Variants in GCFC2 observed in about 807,000 individuals in gnomAD.
GCFC2 encodes the protein GC-rich sequence DNA-binding factor 2, also known as intron Large complex component GCFC2.
Under a neutral mutation model 99.4 loss-of-function variants are expected in GCFC2, and 102 were observed. That is an observed-to-expected ratio of 1.03 (90% CI 0.87 to 1.21). GCFC2 has a LOEUF of 1.21. Among genes scored for constraint, GCFC2 ranks in the 50% most tolerant of loss-of-function variants. The pLI, the probability that GCFC2 is intolerant of heterozygous loss-of-function variation, is 0.00. For synonymous variants in GCFC2, 338 were observed against 316.8 expected (o/e 1.07, Z -0.71); for missense variants, 973 against 920.9 (o/e 1.06, Z -0.73).
At chr2:75,701,918 A>G (rs1680609092) in intron 3 of GCFC2, 1 of 1,164,664 alleles carries the variant, frequency 8.6e-7, no homozygotes. Context: ...ATCGTTTTCA[A>G]TGCTTTGAAA....
At chr2:75,709,417 C>T (rs1681018311) in intron 1 of GCFC2, among the ~76,000 whole-genome samples, 1 of 152,108 alleles carries the variant, frequency 6.6e-6, no homozygotes, top group African/African-American at 2.4e-5. Context: ...AGATCATAAA[C>T]CTGGAGGACA....
In GCFC2 at chr2:75,702,316, A is replaced by G; in HGVS notation, c.502T>C (p.Ser168Pro). Residue 168 changes from serine (S) to proline (P), a missense_variant, in exon 3 of 17, where the codon TCT becomes CCT. Coordinates refer to ENST00000321027, the MANE Select transcript of GCFC2 (RefSeq NM_003203.5). ...TCTTCGCTCTCTCTCTTCATACCAG[A>G]GATGGAGGAGGTATGTTGTACATCC... is the stretch of plus-strand genomic sequence containing the variant. ...SLDVQHTSSISGMKRESEDDP... is the reference protein window; with the variant it reads ...SLDVQHTSSIPGMKRESEDDP... 1 of 1,613,334 alleles carries G rather than the reference A, an allele frequency of 6.2e-7. No individual in the cohort carries two copies. The highest frequency in any genetic ancestry group is 1.3e-5 in the African/African-American group (1 of 75,018).
At chr2:75,704,731 C>A (rs1390911180) in intron 2 of GCFC2, among the ~76,000 whole-genome samples, 1 of 152,220 alleles carries the variant, frequency 6.6e-6, no homozygotes, top group East Asian at 1.9e-4. Flanking sequence ...GTTGCCCAGG[C>A]TGGAGTGCAC....
chr2:75,704,928 G>A (rs898249392), intron 2 of GCFC2, among the ~76,000 whole-genome samples: 3 of 152,130 alleles, frequency 2.0e-5, no homozygotes. Context: ...CATCCACCTC[G>A]GCCTCCCAAA....
intron 12 of GCFC2, among the ~76,000 whole-genome samples, chr2:75,676,163 G>GA (rs982692152): frequency 1.3e-5 from 2 of 152,082 alleles, no homozygotes; most frequent in Middle Eastern, 6.8e-3. Context: ...TGATAAAAAA[G>GA]AAAAAACAAA....
At chr2:75,666,235 T>G (rs977825170) in intron 15 of GCFC2, among the ~76,000 whole-genome samples, 182 bp from the exon 16 acceptor site, 2 of 152,232 alleles carry the variant, frequency 1.3e-5, no homozygotes, top group Non-Finnish European at 2.9e-5. Flanking sequence ...GAATTCATTC[T>G]TTAATGCTAA....
At position 75,710,760 on chromosome 2, in the gene GCFC2, C is replaced by A. The variant is rs1250591512; in HGVS notation, c.96G>T (p.Pro32=). The A allele has an allele frequency of 4.5e-6, 7 of 1,568,076 alleles. No individual in the cohort carries two copies. The Admixed American group carries it at 5.3e-5, about 12-fold the overall frequency. ...AEESPAEPGA[P]RELPVPGSAE... is the part of the protein sequence containing the mutation. ...CAGAACCCGGGACCGGAAGTTCCCTCGGCGCCCCAGGCTCAGCAGGCGACT... is the reference window on the plus strand; with the variant it reads ...CAGAACCCGGGACCGGAAGTTCCCTAGGCGCCCCAGGCTCAGCAGGCGACT... Residue 32 remains proline, a synonymous_variant, in exon 1 of 17, where the codon CCG becomes CCT. Coordinates refer to ENST00000321027, the MANE Select transcript of GCFC2 (RefSeq NM_003203.5).
intron 11 of GCFC2, among the ~76,000 whole-genome samples, chr2:75,685,153 C>T (rs1178179365): frequency 6.6e-6 from 1 of 152,102 alleles, no homozygotes; most frequent in Non-Finnish European, 1.5e-5. Context: ...CACGTGTACA[C>T]CTATGTAACA....
intron 10 of GCFC2, 39 bp downstream of exon 10, chr2:75,688,987 T>C: frequency 9.0e-7 from 1 of 1,106,142 alleles, no homozygotes; most frequent in Non-Finnish European, 1.4e-6. Context: ...AAGCAACTAA[T>C]ATAATCAGGA....
Position 75,664,697 on chromosome 2 carries a change from T to A in GCFC2, c.2315A>T (p.Asp772Val). ...AESFIGEHHL[D>V]HLKSLIKED ...TTCTTTAATTAGTGATTTAAGATGGTCTAGGTGATGCTCTCCTATGAAGGA... is the reference window on the plus strand; with the variant it reads ...TTCTTTAATTAGTGATTTAAGATGGACTAGGTGATGCTCTCCTATGAAGGA... The change falls in exon 17 of 17, where the codon GAC (aspartate) becomes GTC (valine). Residue 772 changes from aspartate (D) to valine (V), a missense_variant. By Grantham distance (152) the Asp-to-Val change is radical. Transcript: ENST00000321027. The A allele has an allele frequency of 6.6e-7, 1 of 1,508,384 alleles. No homozygotes were observed. Among genetic ancestry groups the A allele is most frequent in the Non-Finnish European group, 9.2e-7 (1 of 1,085,780 alleles). 93.4% of individuals were successfully genotyped at this position (1,508,384 alleles called of 1,614,324 possible). A position where few individuals can be genotyped will look rare whatever the true frequency, so the allele number is the denominator to read the frequency against.
intron 5 of GCFC2, 102 bp from the exon 6 acceptor site, chr2:75,694,529 A>G: frequency 2.2e-6 from 1 of 462,090 alleles, no homozygotes. Context: ...TGACAATCAT[A>G]TAAATCTGGG....
intron 11 of GCFC2, among the ~76,000 whole-genome samples, chr2:75,685,459 C>T (rs867315142): frequency 1.3e-5 from 2 of 152,276 alleles, no homozygotes; most frequent in Middle Eastern, 3.4e-3. Flanking sequence ...CCTCATCTGA[C>T]TTATCATCAA....
chr2:75,699,799 A>G (rs554843965), intron 4 of GCFC2, among the ~76,000 whole-genome samples: 1 of 152,022 alleles, frequency 6.6e-6, no homozygotes, highest in East Asian at 1.9e-4. Context: ...CTGGTCTCAA[A>G]CTACTGGGCT....
rs1364974262 is a variant in GCFC2 at position 75,689,186 on chromosome 2, A to C, written c.1379T>G (p.Val460Gly). The C allele has an allele frequency of 2.5e-6, 4 of 1,603,850 alleles. No individual in the cohort carries two copies. The highest frequency in any genetic ancestry group is 3.4e-6 in the Non-Finnish European group (4 of 1,173,632). ...CTGGATGTTACAAAAATCATCTTGCACTTCTTCAAAAACTTTCTTCTGTTT... is the reference window on the plus strand; with the variant it reads ...CTGGATGTTACAAAAATCATCTTGCCCTTCTTCAAAAACTTTCTTCTGTTT... ...LQKQKKVFEE[V>G]QDDFCNIQNI... The change falls in exon 10 of 17, where the codon GTG becomes GGG. Residue 460 changes from valine to glycine, a missense_variant. By Grantham distance (109) the Val-to-Gly change is moderately radical. Transcript: ENST00000321027.
Position 75,705,616 on chromosome 2 carries a change from CAAAAAAA to C in GCFC2, c.394+900_394+906del, listed in dbSNP as rs34447327. Among the ~76,000 whole-genome samples, 11 of 84,328 alleles carry C rather than the reference CAAAAAAA, an allele frequency of 1.3e-4. No homozygotes were observed. The South Asian group carries it at 1.5e-3, about 12-fold the overall frequency. The allele number at this position is 84,328 out of a possible 152,430, so 55.3% of individuals were successfully genotyped here. A position where few individuals can be genotyped will look rare whatever the true frequency, so the allele number is the denominator to read the frequency against. On this transcript the variant is annotated intron_variant, in intron 2 of 16. Coordinates refer to ENST00000321027, the MANE Select transcript of GCFC2 (RefSeq NM_003203.5). ...TGGGCGACAGAGTGAGACTCCATCT[CAAAAAAA>C]AAAAAAAAAAAAAAGAAGCACAGAA...
chr2:75,682,833 A>G (rs188785905), intron 11 of GCFC2, among the ~76,000 whole-genome samples: 188 of 152,056 alleles, frequency 1.2e-3, no homozygotes, highest in Non-Finnish European at 2.3e-3. Context: ...ATCAAGTGGA[A>G]GAAAGGATAT....
intron 15 of GCFC2, among the ~76,000 whole-genome samples, 193 bp from the exon 16 acceptor site, chr2:75,666,246 G>C (rs545922131): frequency 6.6e-6 from 1 of 152,102 alleles, no homozygotes; most frequent in Admixed American, 6.5e-5. Flanking sequence ...TTAATGCTAA[G>C]AACTTAAAAT....
intron 11 of GCFC2, among the ~76,000 whole-genome samples, chr2:75,684,213 G>A (rs1414086769): frequency 6.6e-6 from 1 of 152,096 alleles, no homozygotes; most frequent in African/African-American, 2.4e-5. Context: ...TTCTAAAACT[G>A]ACCACATAAT....
chr2:75,710,338 A>AACGAAG, intron 1 of GCFC2: 1 of 747,222 alleles, frequency 1.3e-6, no homozygotes, highest in East Asian at 3.5e-5. Flanking sequence ...TGATGGTGAA[A>AACGAAG]ACGAAGAGCC....
Sources: gnomAD v4.1 joint callset for allele counts (sites outside exome capture counted in the v4.1 genomes callset) on GRCh38, gnomAD v4.1.1 for gene constraint, MANE v1.5 for transcripts, NCBI Gene and HGNC (gene_info 2026-07-23, HGNC 2026-07-21) for gene names.